PLXDC2: variants seen among roughly 807,000 people sequenced by gnomAD.
The protein encoded by PLXDC2 is plexin domain containing 2.
A neutral mutation model predicts 68.9 loss-of-function variants in PLXDC2; 40 were observed. The ratio of observed to expected loss-of-function variants is 0.58; its 90% CI spans 0.45 to 0.76. The LOEUF (loss-of-function observed/expected upper bound fraction) is 0.76, where lower values mean the gene tolerates loss of function less well. PLXDC2 is among the 30% of genes least tolerant of loss of function. The pLI, the probability that PLXDC2 is intolerant of heterozygous loss-of-function variation, is 0.00. For synonymous variants in PLXDC2, 243 were observed against 234.2 expected, an observed-to-expected ratio of 1.04 and a Z score of -0.34; for missense variants, 644 against 661.9, an observed-to-expected ratio of 0.97 and a Z score of 0.30.
intron 9 of PLXDC2, among the ~76,000 whole-genome samples, chr10:20,192,645 G>C (rs1227990565): frequency 6.6e-6 from 1 of 151,832 alleles, no homozygotes; most frequent in Non-Finnish European, 1.5e-5. Context: ...TCAGAAAGTG[G>C]AGCATATATT....
intron 4 of PLXDC2, among the ~76,000 whole-genome samples, chr10:20,100,684 A>G (rs1217768299): frequency 6.6e-6 from 1 of 152,200 alleles, no homozygotes; most frequent in East Asian, 1.9e-4. Flanking sequence ...GGTGACAGAA[A>G]GGAAGGGGAA....
intron 12 of PLXDC2, among the ~76,000 whole-genome samples, chr10:20,227,520 C>T (rs1220088744): frequency 1.3e-5 from 2 of 152,018 alleles, no homozygotes; most frequent in Non-Finnish European, 2.9e-5. Context: ...TAAAGAGCTG[C>T]CAGATTTGAT....
chr10:20,116,988 GA>G (rs1203504303), intron 4 of PLXDC2, among the ~76,000 whole-genome samples: 4 of 150,376 alleles, frequency 2.7e-5, no homozygotes, highest in African/African-American at 9.8e-5. Flanking sequence ...TTAAAGACTG[GA>G]AGAAAAAATA....
At chr10:20,173,805 C>A (rs1564341841) in intron 7 of PLXDC2, among the ~76,000 whole-genome samples, 1 of 152,184 alleles carries the variant, frequency 6.6e-6, no homozygotes, top group Non-Finnish European at 1.5e-5. Flanking sequence ...GGGGTAACCA[C>A]AATTCTAATT....
chr10:19,843,008 T>C (rs1282213098), intron 1 of PLXDC2, among the ~76,000 whole-genome samples: 1 of 152,156 alleles, frequency 6.6e-6, no homozygotes, highest in Non-Finnish European at 1.5e-5. Context: ...AAATATATTT[T>C]TATCCTTTAT....
intron 1 of PLXDC2, among the ~76,000 whole-genome samples, chr10:19,848,998 C>G (rs771835852): frequency 1.3e-5 from 2 of 152,060 alleles, no homozygotes; most frequent in Non-Finnish European, 2.9e-5. Flanking sequence ...TATTAATATC[C>G]TATTAATATT....
intron 4 of PLXDC2, among the ~76,000 whole-genome samples, chr10:20,096,400 G>C (rs1833350454): frequency 6.6e-6 from 1 of 152,004 alleles, no homozygotes; most frequent in Non-Finnish European, 1.5e-5. Flanking sequence ...CCTAAAAATG[G>C]GATGAACAGA....
rs1281751898 is a variant in PLXDC2, at chr10:20,281,633, CCTAA to C, written c.*1817_*1820del. Reference sequence around the variant, plus strand: ...TATTTGATGAAGATGGTAACTTTTTCCTAACTTAGTTAACTATTAAAAAAAATTT... The same window carrying C: ...TATTTGATGAAGATGGTAACTTTTTCCTTAGTTAACTATTAAAAAAAATTT... On this transcript the variant is annotated 3_prime_UTR_variant, in exon 14 of 14. Coordinates refer to ENST00000377252, the MANE Select transcript of PLXDC2 (RefSeq NM_032812.9). 2 of 152,024 alleles carry C rather than the reference CCTAA, an allele frequency of 1.3e-5. No individual in the cohort carries two copies. Among genetic ancestry groups the C allele is most frequent in the Admixed American group, 6.6e-5 (1 of 15,238 alleles). 9.4% of individuals were successfully genotyped at this position (152,024 alleles called of 1,614,324 possible). A position where few individuals can be genotyped will look rare whatever the true frequency, so the allele number is the denominator to read the frequency against.
chr10:20,245,303 G>A lies in PLXDC2; in HGVS notation c.1313-42G>A, dbSNP rs775424827. 3.9e-6 allele frequency: 6 copies of A among 1,556,844 alleles called. No homozygotes were observed. In the Admixed American group the frequency reaches 9.7e-5, roughly 25 times the overall value. On this transcript the variant is annotated intron_variant, in intron 12 of 13. Coordinates refer to ENST00000377252, the MANE Select transcript of PLXDC2 (RefSeq NM_032812.9). Reference sequence around the variant, plus strand: ...CCTCAGATGAAAATGCAAACTTGAGGGTAAACTCATGAAGGTCCTGACAGC... The same window carrying A: ...CCTCAGATGAAAATGCAAACTTGAGAGTAAACTCATGAAGGTCCTGACAGC...
chr10:20,111,397 T>C (rs887807692), intron 4 of PLXDC2, among the ~76,000 whole-genome samples: 3 of 152,222 alleles, frequency 2.0e-5, no homozygotes, highest in Non-Finnish European at 4.4e-5. Flanking sequence ...TATTTTATCA[T>C]TTTACAGATA....
At chr10:20,071,032 T>C (rs1036027859) in intron 4 of PLXDC2, 2 of 151,190 alleles carry the variant, frequency 1.3e-5, no homozygotes, top group African/African-American at 4.9e-5. Context: ...AAAACACTAA[T>C]GTAAAGACAC....
At chr10:20,164,329 T>C (rs2131814694) in intron 6 of PLXDC2, 139 bp from the exon 7 acceptor site, 3 of 701,912 alleles carry the variant, frequency 4.3e-6, no homozygotes, top group Non-Finnish European at 7.2e-6. Flanking sequence ...TGTCTCTCTT[T>C]TCTAATACCT....
intron 6 of PLXDC2, among the ~76,000 whole-genome samples, chr10:20,155,330 G>T (rs1447059008): frequency 6.6e-6 from 1 of 152,150 alleles, no homozygotes; most frequent in Admixed American, 6.5e-5. Flanking sequence ...AGGCCAAAAA[G>T]AACAGAACAG....
At chr10:20,177,238 G>A in intron 8 of PLXDC2, 90 bp from the exon 9 acceptor site, 1 of 1,337,432 alleles carries the variant, frequency 7.5e-7, no homozygotes, top group Non-Finnish European at 1.1e-6. Flanking sequence ...TGAGGATTAG[G>A]GGGCAGTGAT....
intron 4 of PLXDC2, among the ~76,000 whole-genome samples, chr10:20,080,138 G>A (rs913639032): frequency 1.3e-5 from 2 of 152,086 alleles, no homozygotes; most frequent in African/African-American, 4.8e-5. Flanking sequence ...CTGGTTTCTG[G>A]TATTTATTAT....
chr10:20,010,339 A>G (rs899909091), intron 2 of PLXDC2, among the ~76,000 whole-genome samples: 32 of 152,332 alleles, frequency 2.1e-4, no homozygotes, highest in African/African-American at 7.0e-4. Context: ...TTCTTTTAGC[A>G]TATTGATGAG....
intron 12 of PLXDC2, among the ~76,000 whole-genome samples, chr10:20,224,553 A>G (rs1455638248): frequency 6.6e-6 from 1 of 152,188 alleles, no homozygotes; most frequent in African/African-American, 2.4e-5. Flanking sequence ...AAACTGGATA[A>G]AGTTATACCC....
At chr10:19,868,671 G>A (rs142940480) in intron 1 of PLXDC2, among the ~76,000 whole-genome samples, 216 of 152,150 alleles carry the variant, frequency 1.4e-3, no homozygotes, top group African/African-American at 5.0e-3. Context: ...TGTATATTCT[G>A]TTGATTTATT....
At chr10:20,028,606 C>G (rs550720258) in intron 2 of PLXDC2, among the ~76,000 whole-genome samples, 1 of 152,190 alleles carries the variant, frequency 6.6e-6, no homozygotes, top group Non-Finnish European at 1.5e-5. Flanking sequence ...ACCTTCTGGA[C>G]TGTCTCAGTT....
Sources: gnomAD v4.1 joint callset for allele counts (sites outside exome capture counted in the v4.1 genomes callset) on GRCh38, gnomAD v4.1.1 for gene constraint, MANE v1.5 for transcripts, NCBI Gene and HGNC (gene_info 2026-07-23, HGNC 2026-07-21) for gene names.